Variants in SEPTIN7 observed in about 807,000 individuals in gnomAD.
The protein encoded by SEPTIN7 is septin-7.
Under a neutral mutation model 63.3 loss-of-function variants are expected in SEPTIN7, and 10 were observed. The ratio of observed to expected loss-of-function variants is 0.16; its 90% CI spans 0.10 to 0.27. The LOEUF is 0.27. SEPTIN7 is among the 10% of genes least tolerant of loss of function. The pLI is 1.00. For synonymous variants in SEPTIN7, 131 were observed against 165.3 expected (o/e 0.79, Z 1.59); for missense variants, 310 against 521.0 (o/e 0.59, Z 3.94).
chr7:35,801,137 G>T lies in SEPTIN7; in HGVS notation c.-73G>T. 7.7e-7 allele frequency: 1 copy of T among 1,294,160 alleles called. No individual in the cohort carries two copies. Among genetic ancestry groups the T allele is most frequent in the African/African-American group, 1.6e-5 (1 of 63,898 alleles). 80.2% of individuals were successfully genotyped at this position (1,294,160 alleles called of 1,614,324 possible). On this transcript the variant is annotated 5_prime_UTR_variant, in exon 1 of 14. Coordinates refer to ENST00000350320, the MANE Select transcript of SEPTIN7 (RefSeq NM_001788.6). ...AGCTACGCCGGGCGGCTACGCTGCG[G>T]AATCGGCGTAGGCGCCTTTGGAGAA...
At chr7:35,907,121 A>G (rs745549266), downstream of SEPTIN7, 1 of 152,256 alleles carries the variant, frequency 6.6e-6, no homozygotes, top group Non-Finnish European at 1.5e-5. Flanking sequence ...GCTCCAATGA[A>G]TTATTACTTT....
At chr7:35,880,015 G>A (rs1456386352) in intron 7 of SEPTIN7, 75 bp downstream of exon 7, 12 of 784,106 alleles carry the variant, frequency 1.5e-5, no homozygotes, top group Non-Finnish European at 2.4e-5. Context: ...TTAGTATAAT[G>A]TGTTGCAATC....
intron 11 of SEPTIN7, among the ~76,000 whole-genome samples, chr7:35,895,971 C>T (rs191193442): frequency 2.1e-3 from 317 of 152,206 alleles, no homozygotes; most frequent in Non-Finnish European, 3.2e-3. Context: ...CCACCACGCC[C>T]GGCTAATTTT....
intron 1 of SEPTIN7, among the ~76,000 whole-genome samples, chr7:35,811,128 GTAAATATTTTGAA>G (rs779642161): frequency 6.6e-6 from 1 of 152,084 alleles, no homozygotes; most frequent in Non-Finnish European, 1.5e-5. Context: ...AGAGAATACA[GTAAATATTTTGAA>G]TGAGATCATT....
chr7:35,880,223 C>CTTTTTTTTTTTTTTTTTTTTTTTTATT, intron 7 of SEPTIN7, among the ~76,000 whole-genome samples: 1 of 72,778 alleles, frequency 1.4e-5, no homozygotes, highest in African/African-American at 6.0e-5. Flanking sequence ...TTTTTCTTTT[C>CTTTTTTTTTTTTTTTTTTTTTTTTATT]TTTTTTTTTT....
intron 4 of SEPTIN7, among the ~76,000 whole-genome samples, chr7:35,870,215 C>T (rs967252800): frequency 6.6e-6 from 1 of 152,090 alleles, no homozygotes; most frequent in Non-Finnish European, 1.5e-5. Flanking sequence ...ATAAACATTC[C>T]TTAAAGTGTG....
chr7:35,908,260 A>G (rs1319317714), downstream of SEPTIN7, among the ~76,000 whole-genome samples: 1 of 152,166 alleles, frequency 6.6e-6, no homozygotes, highest in African/African-American at 2.4e-5. Flanking sequence ...GAATGTTCAA[A>G]GTTTAGTGTC....
At position 35,880,297 on chromosome 7, in the gene SEPTIN7, A is replaced by G. The variant is rs1786797912; in HGVS notation, c.630+357A>G. 3.4e-5 allele frequency among the ~76,000 whole-genome samples: 3 copies of G among 87,914 alleles called. No homozygotes were observed. In the South Asian group the frequency reaches 9.1e-4, roughly 27 times the overall value. The allele number at this position is 87,914 out of a possible 152,430, so 57.7% of individuals were successfully genotyped here. A position where few individuals can be genotyped will look rare whatever the true frequency, so the allele number is the denominator to read the frequency against. Reference sequence around the variant, plus strand: ...GAAGTGGATTATTCTTTCAAAGGCTATGATTGTTTTTATGGGTCTTTATCT... The same window carrying G: ...GAAGTGGATTATTCTTTCAAAGGCTGTGATTGTTTTTATGGGTCTTTATCT... On this transcript the variant is annotated intron_variant, in intron 7 of 13. Coordinates refer to ENST00000350320, the MANE Select transcript of SEPTIN7 (RefSeq NM_001788.6).
rs558643305 is a variant in SEPTIN7, at chr7:35,828,326, C to T, written c.62-3166C>T. On this transcript the variant is annotated intron_variant, in intron 1 of 13. Coordinates refer to ENST00000350320, the MANE Select transcript of SEPTIN7 (RefSeq NM_001788.6). ...TCCCTGAGATGATCTTGGTTTTCTT[C>T]CTGTCTCCACTGACTGATCTTTCTC... Among the ~76,000 whole-genome samples the T allele has an allele frequency of 5.9e-5, 9 of 152,262 alleles. No individual in the cohort carries two copies. The East Asian group carries it at 1.7e-3, about 29-fold the overall frequency.
chr7:35,871,638 T>C (rs992257238), intron 4 of SEPTIN7, among the ~76,000 whole-genome samples: 3 of 152,216 alleles, frequency 2.0e-5, no homozygotes, highest in Admixed American at 6.5e-5. Context: ...TCTTCATGCA[T>C]CAGGTAGCAT....
At chr7:35,904,122 A>T in intron 13 of SEPTIN7, 132 bp from the exon 14 acceptor site, 1 of 548,770 alleles carries the variant, frequency 1.8e-6, no homozygotes, top group Non-Finnish European at 3.1e-6. Context: ...TAAATCTTTT[A>T]ATTTTTTTCA....
intron 3 of SEPTIN7, among the ~76,000 whole-genome samples, chr7:35,840,878 TA>T (rs1193869309): frequency 1.3e-5 from 2 of 152,198 alleles, no homozygotes; most frequent in African/African-American, 4.8e-5. Context: ...ACTTTACAGC[TA>T]AAAAGCATGC....
chr7:35,844,344 T>A (rs901501796), intron 3 of SEPTIN7, among the ~76,000 whole-genome samples: 3 of 152,236 alleles, frequency 2.0e-5, no homozygotes, highest in Non-Finnish European at 4.4e-5. Context: ...CTATTGTGTT[T>A]AAATTTGGAA....
chr7:35,802,512 T>C (rs190025437), intron 1 of SEPTIN7, among the ~76,000 whole-genome samples: 1 of 152,390 alleles, frequency 6.6e-6, no homozygotes, highest in Admixed American at 6.5e-5. Flanking sequence ...AAAAATATCT[T>C]TGTTAGTGCC....
chr7:35,825,944 C>T (rs1168342543), intron 1 of SEPTIN7, among the ~76,000 whole-genome samples: 1 of 151,880 alleles, frequency 6.6e-6, no homozygotes, highest in Non-Finnish European at 1.5e-5. Flanking sequence ...TTGTTCATAT[C>T]AGTAAAAAGA....
At chr7:35,902,823 C>A in intron 12 of SEPTIN7, 1 of 371,636 alleles carries the variant, frequency 2.7e-6, no homozygotes, top group Non-Finnish European at 4.5e-6. Flanking sequence ...AAGTACTCCA[C>A]ACTGTTAAGT....
intron 12 of SEPTIN7, chr7:35,902,186 G>C (rs983943850): frequency 1.3e-5 from 2 of 151,362 alleles, no homozygotes; most frequent in Admixed American, 6.6e-5. Context: ...GGCATAGAAG[G>C]ATTTAATCTG....
intron 3 of SEPTIN7, among the ~76,000 whole-genome samples, chr7:35,856,220 TAATG>T (rs1785195596): frequency 6.6e-6 from 1 of 152,244 alleles, no homozygotes; most frequent in Non-Finnish European, 1.5e-5. Context: ...AGAATTATAA[TAATG>T]GAATTATACA....
chr7:35,822,465 C>CA (rs1338457283), intron 1 of SEPTIN7, among the ~76,000 whole-genome samples: 2 of 152,078 alleles, frequency 1.3e-5, no homozygotes, highest in Admixed American at 1.3e-4. Flanking sequence ...ATAAGGACTG[C>CA]GCAACCTAGA....
Sources: allele counts gnomAD v4.1 joint callset (sites outside exome capture counted in the v4.1 genomes callset), GRCh38; gene constraint gnomAD v4.1.1; transcripts MANE v1.5; gene names NCBI Gene and HGNC (gene_info 2026-07-23, HGNC 2026-07-21).